The following F13A1 variants were observed in gnomAD, a reference collection of about 807,000 sequenced individuals.
F13A1 encodes the protein FSF, A subunit.
A neutral mutation model predicts 80.1 loss-of-function variants in F13A1; 47 were observed. That is an observed-to-expected ratio of 0.59 (90% CI 0.46 to 0.75). F13A1 has a LOEUF of 0.75. Among genes scored for constraint, F13A1 ranks in the 30% least tolerant of loss-of-function variants. F13A1 has a pLI of 0.00. For missense variants in F13A1, 817 were observed against 930.4 expected, an observed-to-expected ratio of 0.88 and a Z score of 1.59; for synonymous variants, 349 against 344.9, an observed-to-expected ratio of 1.01 and a Z score of -0.13.
chr6:6,179,517 C>T (rs1561645112), intron 11 of F13A1, among the ~76,000 whole-genome samples: 1 of 152,136 alleles, frequency 6.6e-6, no homozygotes, highest in Non-Finnish European at 1.5e-5. Context: ...TACTGAGCCA[C>T]GGATATGACG....
At chr6:6,274,597 G>A (rs1757963388) in intron 3 of F13A1, among the ~76,000 whole-genome samples, 1 of 152,210 alleles carries the variant, frequency 6.6e-6, no homozygotes, top group African/African-American at 2.4e-5. Context: ...TGAGATAGGA[G>A]AATTTCTCCC....
At chr6:6,299,138 C>T (rs1220469506) in intron 3 of F13A1, among the ~76,000 whole-genome samples, 4 of 142,044 alleles carry the variant, frequency 2.8e-5, no homozygotes, top group Non-Finnish European at 6.0e-5. Context: ...TGATGGGCTT[C>T]CCTTTGAGGG....
chr6:6,266,542 A>C lies in F13A1; in HGVS notation c.571+16T>G, dbSNP rs778319666. Reference sequence around the variant, plus strand: ...GGTGAATTTTTAAATGAGAAAACTAAATGTCTGCCTCTTACCTTCACACCA... The same window carrying C: ...GGTGAATTTTTAAATGAGAAAACTACATGTCTGCCTCTTACCTTCACACCA... On this transcript the variant is annotated intron_variant, in intron 4 of 14. Coordinates refer to ENST00000264870, the MANE Select transcript of F13A1 (RefSeq NM_000129.4). 11 of 1,614,056 alleles carry C rather than the reference A, an allele frequency of 6.8e-6. No homozygotes were observed. Among genetic ancestry groups the C allele is most frequent in the Middle Eastern group, 1.6e-4 (1 of 6,084 alleles).
chr6:6,206,445 T>A, intron 8 of F13A1: 1 of 470,242 alleles, frequency 2.1e-6, no homozygotes, highest in East Asian at 6.9e-5. Context: ...GATTCCCACT[T>A]TTTTTCCCTT....
intron 3 of F13A1, among the ~76,000 whole-genome samples, chr6:6,279,323 G>C (rs1415933998): frequency 1.3e-5 from 2 of 152,192 alleles, no homozygotes; most frequent in African/African-American, 4.8e-5. Context: ...ATGTGAGACA[G>C]AGAAATAGGA....
intron 6 of F13A1, among the ~76,000 whole-genome samples, chr6:6,244,926 C>T (rs546339335): frequency 4.0e-4 from 61 of 152,276 alleles, no homozygotes; most frequent in African/African-American, 1.4e-3. Context: ...GACAGATTCG[C>T]TATGCAGGTG....
intron 11 of F13A1, among the ~76,000 whole-genome samples, chr6:6,176,501 G>GA (rs564013690): frequency 6.6e-6 from 1 of 152,190 alleles, no homozygotes; most frequent in Non-Finnish European, 1.5e-5. Flanking sequence ...TGCAAAGACA[G>GA]AAAAAATGCC....
rs531620324 is a variant in F13A1 at position 6,175,649 on chromosome 6, C to A, written c.1460-782G>T. On this transcript the variant is annotated intron_variant, in intron 11 of 14. Coordinates refer to ENST00000264870, the MANE Select transcript of F13A1 (RefSeq NM_000129.4). ...ATTAGAGGTTCTAAGTGAAGCCCAG[C>A]AGCAAGGACACCTCTTTGCCTTTCT... Among the ~76,000 whole-genome samples, 131 of 152,340 alleles carry A rather than the reference C, an allele frequency of 8.6e-4. 1 individual carries two copies. Among genetic ancestry groups the A allele is most frequent in the African/African-American group, 3.0e-3 (126 of 41,584 alleles).
At chr6:6,167,659 G>A in intron 12 of F13A1, 41 bp from the exon 13 acceptor site, 1 of 1,608,106 alleles carries the variant, frequency 6.2e-7, no homozygotes, top group Middle Eastern at 2.2e-4. Flanking sequence ...ATCAAGACTT[G>A]AGACAGGGTC....
At chr6:6,253,268 G>T (rs1342179238) in intron 4 of F13A1, among the ~76,000 whole-genome samples, 2 of 151,704 alleles carry the variant, frequency 1.3e-5, no homozygotes, top group Admixed American at 1.3e-4. Flanking sequence ...CCAATTTATA[G>T]TTTCCTGCAT....
Position 6,174,669 on chromosome 6 carries a change from T to G in F13A1, c.1658A>C (p.Tyr553Ser), listed in dbSNP as rs1760846903. ...GTAGAAGGTGATGTTGGCTGAGAGA[T>G]AAGCTGTGATGGTGTAACGGTTGTG... is the stretch of plus-strand genomic sequence containing the variant. ...NSHNRYTITA[Y>S]LSANITFYTG... Residue 553 changes from tyrosine (Y) to serine (S), a missense_variant, in exon 12 of 15, where the codon TAT becomes TCT. Coordinates refer to ENST00000264870, the MANE Select transcript of F13A1 (RefSeq NM_000129.4). 3.1e-6 allele frequency: 5 copies of G among 1,614,038 alleles called. No homozygotes were observed. The highest frequency in any genetic ancestry group is 1.3e-5 in the African/African-American group (1 of 74,928).
intron 8 of F13A1, among the ~76,000 whole-genome samples, chr6:6,219,153 G>C (rs1452163210): frequency 6.6e-6 from 1 of 152,142 alleles, no homozygotes; most frequent in Non-Finnish European, 1.5e-5. Context: ...GGGTGTGTTT[G>C]ACCAGAGCCT....
intron 10 of F13A1, among the ~76,000 whole-genome samples, chr6:6,182,437 G>C (rs534327749): frequency 1.8e-4 from 27 of 152,288 alleles, no homozygotes; most frequent in Non-Finnish European, 3.5e-4. Context: ...TCTCACAGGA[G>C]AGAAGACAAT....
intron 3 of F13A1, among the ~76,000 whole-genome samples, chr6:6,299,605 C>T (rs4011898): frequency 0.035 from 4,825 of 139,102 alleles, 114 homozygotes; most frequent in Non-Finnish European, 0.048. Flanking sequence ...TCCATCAGCT[C>T]CTTTAAGCAC....
chr6:6,293,420 T>C lies in F13A1; in HGVS notation c.319+11931A>G, dbSNP rs146080960. Among the ~76,000 whole-genome samples, 529 of 152,036 alleles carry C rather than the reference T, an allele frequency of 3.5e-3. 2 individuals are homozygous for C. The highest frequency in any genetic ancestry group is 0.011 in the African/African-American group (459 of 41,462). ...CCACTCCCCTCCTTGCCTTTCATGATTTGTCGAGGCTGCAGGCTCAGAGGT... is the reference window on the plus strand; with the variant it reads ...CCACTCCCCTCCTTGCCTTTCATGACTTGTCGAGGCTGCAGGCTCAGAGGT... On this transcript the variant is annotated intron_variant, in intron 3 of 14. Transcript: ENST00000264870.
chr6:6,304,005 A>G (rs1451060355), intron 3 of F13A1, among the ~76,000 whole-genome samples: 1 of 152,176 alleles, frequency 6.6e-6, no homozygotes, highest in Non-Finnish European at 1.5e-5. Flanking sequence ...ATTAGCAAAT[A>G]TATAGTTTTA....
chr6:6,307,045 A>G (rs1367190419), intron 2 of F13A1, among the ~76,000 whole-genome samples: 3 of 152,198 alleles, frequency 2.0e-5, no homozygotes, highest in Non-Finnish European at 2.9e-5. Context: ...AAGGTACTTT[A>G]CCTTTCAGAA....
intron 3 of F13A1, among the ~76,000 whole-genome samples, chr6:6,298,577 T>C (rs1212378150): frequency 1.9e-4 from 28 of 146,546 alleles, no homozygotes; most frequent in South Asian, 4.2e-4. Flanking sequence ...CAACCCCTGC[T>C]TTTTTTTGTT....
intron 6 of F13A1, among the ~76,000 whole-genome samples, chr6:6,245,193 A>G (rs1358231639): frequency 6.6e-6 from 1 of 152,182 alleles, no homozygotes; most frequent in Non-Finnish European, 1.5e-5. Flanking sequence ...CATACAATAA[A>G]TATAAATATA....
Sources: gnomAD v4.1 joint callset for allele counts (sites outside exome capture counted in the v4.1 genomes callset) on GRCh38, gnomAD v4.1.1 for gene constraint, MANE v1.5 for transcripts, NCBI Gene and HGNC (gene_info 2026-07-23, HGNC 2026-07-21) for gene names.